Variants in PNLDC1 observed in about 807,000 individuals in gnomAD.
PNLDC1 encodes poly(A)-specific ribonuclease PNLDC1.
A neutral mutation model predicts 82.0 loss-of-function variants in PNLDC1; 70 were observed. The observed-to-expected ratio is 0.85, with a 90% CI of 0.70 to 1.04. PNLDC1 has a LOEUF of 1.04. Among genes scored for constraint, PNLDC1 ranks in the 50% least tolerant of loss-of-function variants. The probability of loss-of-function intolerance (pLI) is 0.00; values close to 1 mark genes in which losing one functional copy is unlikely to be tolerated. For synonymous variants in PNLDC1, 280 were observed against 249.3 expected (o/e 1.12, Z -1.16); for missense variants, 631 against 661.1 (o/e 0.95, Z 0.50).
intron 4 of PNLDC1, among the ~76,000 whole-genome samples, 172 bp from the exon 5 acceptor site, chr6:159,803,793 C>CTTTTTCA (rs1404986747): frequency 6.6e-6 from 1 of 152,138 alleles, no homozygotes; most frequent in Non-Finnish European, 1.5e-5. Flanking sequence ...GGCTCTCTGC[C>CTTTTTCA]TTTTTCATTT....
intron 6 of PNLDC1, 117 bp downstream of exon 6, chr6:159,804,754 T>C (rs960001962): frequency 6.0e-5 from 41 of 686,774 alleles, no homozygotes; most frequent in African/African-American, 4.2e-4. Context: ...TTGGCGGGGA[T>C]GGCTTCAGCT....
At chr6:159,804,732 C>A in intron 6 of PNLDC1, 95 bp downstream of exon 6, 2 of 870,088 alleles carry the variant, frequency 2.3e-6, no homozygotes, top group Non-Finnish European at 3.7e-6. Context: ...GTGTGGTGAC[C>A]TCCATCCATG....
chr6:159,805,894 G>A (rs1781429413), intron 6 of PNLDC1, 89 bp from the exon 7 acceptor site: 6 of 921,022 alleles, frequency 6.5e-6, no homozygotes, highest in Non-Finnish European at 1.1e-5. Context: ...GAAAACCAGA[G>A]GGTTCAGAAA....
chr6:159,805,084 G>A (rs951489330), intron 6 of PNLDC1, among the ~76,000 whole-genome samples: 1 of 152,222 alleles, frequency 6.6e-6, no homozygotes, highest in Middle Eastern at 3.2e-3. Flanking sequence ...GACTTCAGAT[G>A]TGTGCCTTGG....
chr6:159,808,662 G>T, intron 7 of PNLDC1, 78 bp from the exon 8 acceptor site: 2 of 1,344,916 alleles, frequency 1.5e-6, no homozygotes, highest in South Asian at 1.2e-5. Flanking sequence ...CTCAGCTTCT[G>T]CTCCTCCAGG....
At chr6:159,809,528 A>G (rs981909630) in intron 9 of PNLDC1, among the ~76,000 whole-genome samples, 1 of 150,710 alleles carries the variant, frequency 6.6e-6, no homozygotes, top group African/African-American at 2.5e-5. Flanking sequence ...TCCTGGGATC[A>G]AGTAATCTGC....
In PNLDC1 at chr6:159,818,958, C is replaced by T; in HGVS notation, c.1270C>T (p.Pro424Ser). The T allele has an allele frequency of 4.3e-6, 7 of 1,613,764 alleles. No homozygotes were observed. Among genetic ancestry groups the T allele is most frequent in the Non-Finnish European group, 5.9e-6 (7 of 1,179,918 alleles). ...AGVPKINFSG[P>S]DYPSIRPPIL... ...GCATGTTTTCTAGAATTTTTCTGGT[C>T]CAGATTATCCCAGTATCCGACCTCC... is the stretch of plus-strand genomic sequence containing the variant. Residue 424 changes from proline (P) to serine (S), a missense_variant, in exon 17 of 19, where the codon CCA (proline) becomes TCA (serine). Transcript: ENST00000392167.
chr6:159,811,832 CAGTA>C, intron 11 of PNLDC1, 46 bp downstream of exon 11: 1 of 1,328,610 alleles, frequency 7.5e-7, no homozygotes, highest in South Asian at 1.2e-5. Context: ...TTTTCCATAC[CAGTA>C]ACACTTAGCT....
At chr6:159,808,558 G>A (rs1282278560) in intron 7 of PNLDC1, among the ~76,000 whole-genome samples, 182 bp from the exon 8 acceptor site, 1 of 145,780 alleles carries the variant, frequency 6.9e-6, no homozygotes, top group African/African-American at 2.5e-5. Flanking sequence ...CTCTTAGAAT[G>A]CTGCCCCAGA....
upstream of PNLDC1, chr6:159,800,272 T>A (rs1338981065): frequency 6.7e-7 from 1 of 1,501,546 alleles, no homozygotes; most frequent in Admixed American, 2.0e-5. Context: ...GGGCAGCACG[T>A]GATAGCGCTG....
intron 4 of PNLDC1, among the ~76,000 whole-genome samples, chr6:159,803,749 G>T (rs1781346269): frequency 1.3e-5 from 2 of 152,156 alleles, no homozygotes. Flanking sequence ...TTGTGGAGGG[G>T]CTGTCTCTGT....
chr6:159,806,916 T>C (rs1781470220), intron 7 of PNLDC1, among the ~76,000 whole-genome samples: 2 of 138,788 alleles, frequency 1.4e-5, no homozygotes, highest in South Asian at 2.3e-4. Context: ...TTTGAAGATA[T>C]AGTTTTGCTC....
intron 12 of PNLDC1, 120 bp from the exon 13 acceptor site, chr6:159,815,849 C>G (rs1781795077): frequency 1.4e-6 from 1 of 728,632 alleles, no homozygotes; most frequent in Non-Finnish European, 2.3e-6. Context: ...AGATTTGCAC[C>G]TTAAAGATAT....
chr6:159,807,235 T>TCA (rs1480924675), intron 7 of PNLDC1, among the ~76,000 whole-genome samples: 2 of 152,178 alleles, frequency 1.3e-5, no homozygotes, highest in African/African-American at 2.4e-5. Flanking sequence ...ATTGGTTGCT[T>TCA]AGACTTGAAG....
rs751533356 is a variant in PNLDC1, at chr6:159,817,170, C to T, written c.1157+19C>T. ...TATACCAGTAAGTGTTCTTTCTTTT[C>T]ATCCTACTGTTCAATCGGTGGTCAG... On this transcript the variant is annotated intron_variant, in intron 15 of 18. Coordinates refer to ENST00000392167, the MANE Select transcript of PNLDC1 (RefSeq NM_001271862.2). The T allele has an allele frequency of 1.0e-5, 16 of 1,603,992 alleles. No individual in the cohort carries two copies. Among genetic ancestry groups the T allele is most frequent in the Non-Finnish European group, 1.2e-5 (14 of 1,171,186 alleles).
At chr6:159,803,505 T>C (rs2115027200) in intron 4 of PNLDC1, 195 bp downstream of exon 4, 1 of 607,276 alleles carries the variant, frequency 1.6e-6, no homozygotes, top group Non-Finnish European at 2.9e-6. Flanking sequence ...AAGCAGTACC[T>C]TTCCCGCCAG....
chr6:159,801,800 C>T (rs1583164056), intron 3 of PNLDC1, among the ~76,000 whole-genome samples: 1 of 151,814 alleles, frequency 6.6e-6, no homozygotes, highest in East Asian at 1.9e-4. Flanking sequence ...TTTTTAAGGT[C>T]ATCTCAGTTT....
chr6:159,800,671 A>G (rs1479454777), intron 1 of PNLDC1, 101 bp from the exon 2 acceptor site: 1 of 1,613,538 alleles, frequency 6.2e-7, no homozygotes, highest in South Asian at 1.1e-5. Flanking sequence ...TCTTGAGCGC[A>G]GAGGTGAGCG....
Position 159,803,019 on chromosome 6 carries a change from C to T in PNLDC1, c.209-252C>T, listed in dbSNP as rs114326222. On this transcript the variant is annotated intron_variant, in intron 3 of 18. Coordinates refer to ENST00000392167, the MANE Select transcript of PNLDC1 (RefSeq NM_001271862.2). ...GATAGTTTTAAAACTATGAGAATGT[C>T]ATTTTAATATTTACTTCTGTATTTG... Among the ~76,000 whole-genome samples, 949 of 152,048 alleles carry T rather than the reference C, an allele frequency of 6.2e-3. 11 individuals carry two copies. Among genetic ancestry groups the T allele is most frequent in the African/African-American group, 0.022 (915 of 41,452 alleles).
Sources: gnomAD v4.1 joint callset for allele counts (sites outside exome capture counted in the v4.1 genomes callset) on GRCh38, gnomAD v4.1.1 for gene constraint, MANE v1.5 for transcripts, NCBI Gene and HGNC (gene_info 2026-07-23, HGNC 2026-07-21) for gene names.